PDE1A: variants seen among roughly 807,000 people sequenced by gnomAD.
PDE1A encodes the protein dual specificity calcium/calmodulin-dependent 3',5'-cyclic nucleotide phosphodiesterase 1A.
In PDE1A, 35 loss-of-function variants were observed where a neutral mutation model predicts 61.7. The ratio of observed to expected loss-of-function variants is 0.57; its 90% confidence interval spans 0.43 to 0.75. The LOEUF is 0.75. Ranked by LOEUF, PDE1A falls within the 30% of genes least tolerant of loss-of-function variation. The pLI, the probability that PDE1A is intolerant of heterozygous loss-of-function variation, is 0.00. For missense variants in PDE1A, 597 were observed against 630.6 expected (o/e 0.95, Z 0.57); for synonymous variants, 232 against 213.2 (o/e 1.09, Z -0.77).
chr2:182,541,863 T>C, the PDE1A span, among the ~76,000 whole-genome samples: 12 of 152,156 alleles, frequency 7.9e-5, no homozygotes, highest in African/African-American at 2.9e-4. Context: ...GAAAAGGAAA[T>C]ATTAAGTTTA....
intron 1 of PDE1A, among the ~76,000 whole-genome samples, chr2:182,370,688 A>G (rs905667424): frequency 2.0e-5 from 3 of 152,178 alleles, no homozygotes; most frequent in African/African-American, 4.8e-5. Flanking sequence ...AGAGTGAGTG[A>G]CAAACTGGGA....
intron 13 of PDE1A, among the ~76,000 whole-genome samples, chr2:182,175,778 G>T (rs1249439561): frequency 1.0e-5 from 1 of 98,494 alleles, no homozygotes; most frequent in Non-Finnish European, 2.0e-5. Flanking sequence ...GTCCTGAATG[G>T]TAATGCCTAG....
exon 2 of PDE1A, chr2:182,264,302 T>C: frequency 6.3e-7 from 1 of 1,597,968 alleles, no homozygotes. Context: ...AAAACTTACC[T>C]TGTTTCATCG....
intron 2 of PDE1A, among the ~76,000 whole-genome samples, chr2:182,248,654 T>G (rs986908646): frequency 2.6e-5 from 4 of 152,204 alleles, no homozygotes; most frequent in Admixed American, 1.3e-4. Context: ...ATTTTGACTC[T>G]TACAATCATA....
chr2:182,364,397 ACT>A, intron 1 of PDE1A, among the ~76,000 whole-genome samples: 1 of 139,894 alleles, frequency 7.1e-6, no homozygotes, highest in South Asian at 2.3e-4. Context: ...GTAATCTTAA[ACT>A]CTATCAATTT....
intron 1 of PDE1A, among the ~76,000 whole-genome samples, chr2:182,403,390 G>C (rs1321198220): frequency 1.3e-5 from 2 of 151,988 alleles, no homozygotes; most frequent in African/African-American, 2.4e-5. Flanking sequence ...ACAAGGTCAG[G>C]AGATCGAGAC....
chr2:182,575,389 T>C, the PDE1A span, among the ~76,000 whole-genome samples: 1 of 151,904 alleles, frequency 6.6e-6, no homozygotes, highest in Non-Finnish European at 1.5e-5. Flanking sequence ...CCTGTTGACT[T>C]AAAGATAGGA....
chr2:182,586,007 T>C, the PDE1A span, among the ~76,000 whole-genome samples: 3 of 152,168 alleles, frequency 2.0e-5, no homozygotes, highest in African/African-American at 7.2e-5. Flanking sequence ...ATTACACAGA[T>C]GATATAGAAT....
the PDE1A span, among the ~76,000 whole-genome samples, chr2:182,612,719 T>C: frequency 2.6e-5 from 4 of 152,228 alleles, no homozygotes; most frequent in Admixed American, 1.3e-4. Flanking sequence ...GCGCATGATA[T>C]TTTCTGTTCC....
intron 1 of PDE1A, among the ~76,000 whole-genome samples, chr2:182,412,957 T>C (rs1376177285): frequency 6.6e-6 from 1 of 152,128 alleles, no homozygotes; most frequent in East Asian, 1.9e-4. Context: ...CAGGGAGCCC[T>C]TCATAAAGAC....
intron 1 of PDE1A, among the ~76,000 whole-genome samples, chr2:182,350,802 G>A (rs1455815727): frequency 1.3e-5 from 2 of 152,058 alleles, no homozygotes; most frequent in Admixed American, 6.6e-5. Context: ...GAGTCCCCCA[G>A]GACCCAGCTA....
chr2:182,254,366 A>G (rs1691623571), intron 2 of PDE1A, among the ~76,000 whole-genome samples: 1 of 152,220 alleles, frequency 6.6e-6, no homozygotes, highest in African/African-American at 2.4e-5. Context: ...GGAATTCAGA[A>G]AAATCATTAC....
intron 1 of PDE1A, among the ~76,000 whole-genome samples, chr2:182,329,361 T>C (rs1697253588): frequency 6.6e-6 from 1 of 152,128 alleles, no homozygotes; most frequent in Non-Finnish European, 1.5e-5. Context: ...CTGGCTGCCT[T>C]GAGATTTATA....
chr2:182,568,004 G>A, the PDE1A span, among the ~76,000 whole-genome samples: 1 of 151,880 alleles, frequency 6.6e-6, no homozygotes, highest in African/African-American at 2.4e-5. Context: ...TGTTGGCCAG[G>A]CTGGTCTTGA....
chr2:182,410,577 TAAG>T (rs1702555133), intron 1 of PDE1A, among the ~76,000 whole-genome samples: 2 of 152,198 alleles, frequency 1.3e-5, no homozygotes, highest in African/African-American at 4.8e-5. Flanking sequence ...ATGGCTGTGT[TAAG>T]AAAAATACAG....
At chr2:182,147,632 T>C (rs1032703275) in intron 13 of PDE1A, among the ~76,000 whole-genome samples, 1 of 152,200 alleles carries the variant, frequency 6.6e-6, no homozygotes, top group African/African-American at 2.4e-5. Flanking sequence ...TCAGTTTCCA[T>C]ATAAACTTTC....
intron 2 of PDE1A, among the ~76,000 whole-genome samples, chr2:182,444,946 T>C (rs1449058128): frequency 6.6e-6 from 1 of 152,108 alleles, no homozygotes; most frequent in African/African-American, 2.4e-5. Context: ...AGTCCTGAGA[T>C]ACACAAGTTA....
the PDE1A span, among the ~76,000 whole-genome samples, chr2:182,537,518 G>T: frequency 6.6e-6 from 1 of 152,074 alleles, no homozygotes; most frequent in African/African-American, 2.4e-5. Flanking sequence ...GGCAAGGGGA[G>T]GGATAGCATT....
the PDE1A span, among the ~76,000 whole-genome samples, chr2:182,684,585 A>G: frequency 8.6e-5 from 13 of 151,904 alleles, no homozygotes; most frequent in Non-Finnish European, 1.9e-4. Context: ...GAGTCTTGCT[A>G]TGTCACCCAG....
Sources: allele counts gnomAD v4.1 joint callset (sites outside exome capture counted in the v4.1 genomes callset), GRCh38; gene constraint gnomAD v4.1.1; transcripts MANE v1.5; gene names NCBI Gene and HGNC (gene_info 2026-07-23, HGNC 2026-07-21).